Variants in CTNNA2 observed in about 807,000 individuals in gnomAD.
CTNNA2 encodes the protein catenin alpha 2, also known as catenin alpha-2.
In CTNNA2, 42 loss-of-function variants were observed where a neutral mutation model predicts 101.0. The observed-to-expected ratio is 0.42, with a 90% CI of 0.32 to 0.54. The LOEUF (loss-of-function observed/expected upper bound fraction) is 0.54. Ranked by LOEUF, CTNNA2 falls within the 20% of genes least tolerant of loss-of-function variation. CTNNA2 has a pLI of 0.14. For synonymous variants in CTNNA2, 450 were observed against 456.4 expected, an observed-to-expected ratio of 0.99 and a Z score of 0.18; for missense variants, 871 against 1,223.1, an observed-to-expected ratio of 0.71 and a Z score of 4.29.
intron 7 of CTNNA2, among the ~76,000 whole-genome samples, chr2:79,939,596 G>C (rs1345085666): frequency 6.6e-6 from 1 of 151,674 alleles, no homozygotes; most frequent in African/African-American, 2.4e-5. Context: ...TTCCTTGTTT[G>C]TAATATCCTA....
chr2:80,572,101 G>T (rs1222921634), intron 12 of CTNNA2, among the ~76,000 whole-genome samples: 1 of 152,138 alleles, frequency 6.6e-6, no homozygotes, highest in East Asian at 1.9e-4. Flanking sequence ...CCGAAATGAT[G>T]TGTAACCATT....
chr2:79,695,866 C>G (rs1018088495), intron 2 of CTNNA2, among the ~76,000 whole-genome samples: 27 of 152,002 alleles, frequency 1.8e-4, no homozygotes, highest in African/African-American at 6.5e-4. Flanking sequence ...AGGAGGTCTG[C>G]TCAGTTGGTT....
chr2:79,937,528 C>A (rs1416571782), intron 7 of CTNNA2, among the ~76,000 whole-genome samples: 2 of 152,148 alleles, frequency 1.3e-5, no homozygotes, highest in African/African-American at 4.8e-5. Flanking sequence ...TCTCACTTTT[C>A]AAATCATCTG....
intron 1 of CTNNA2, among the ~76,000 whole-genome samples, chr2:79,584,089 C>T (rs1036965327): frequency 6.6e-6 from 1 of 152,014 alleles, no homozygotes; most frequent in Non-Finnish European, 1.5e-5. Flanking sequence ...CTGCCTCCAT[C>T]GTAAAGTTGC....
intron 4 of CTNNA2, among the ~76,000 whole-genome samples, chr2:79,477,574 T>C (rs1039727262): frequency 6.6e-6 from 1 of 152,230 alleles, no homozygotes; most frequent in Non-Finnish European, 1.5e-5. Flanking sequence ...AATGTGTTTT[T>C]AAAACATGTT....
intron 1 of CTNNA2, among the ~76,000 whole-genome samples, chr2:79,513,771 C>T (rs1460010870): frequency 2.0e-5 from 3 of 152,178 alleles, no homozygotes; most frequent in South Asian, 4.1e-4. Context: ...GGACATGCTG[C>T]CAACAGCCCC....
At chr2:80,180,198 G>C (rs1215398896) in intron 7 of CTNNA2, among the ~76,000 whole-genome samples, 3 of 152,110 alleles carry the variant, frequency 2.0e-5, no homozygotes, top group Non-Finnish European at 4.4e-5. Context: ...ATAGTATAGT[G>C]GGGTCTTTCC....
chr2:79,980,766 C>T (rs1394869210), intron 7 of CTNNA2, among the ~76,000 whole-genome samples: 1 of 151,932 alleles, frequency 6.6e-6, no homozygotes, highest in Non-Finnish European at 1.5e-5. Context: ...GAAAAATAAG[C>T]AATTAGAAAT....
chr2:79,769,771 GA>G (rs1284144919), intron 3 of CTNNA2, among the ~76,000 whole-genome samples: 2 of 152,172 alleles, frequency 1.3e-5, no homozygotes, highest in Non-Finnish European at 2.9e-5. Context: ...TCCAATGGAG[GA>G]AATACTGGAA....
chr2:80,077,500 G>C (rs1209071947), intron 7 of CTNNA2, among the ~76,000 whole-genome samples: 2 of 151,556 alleles, frequency 1.3e-5, no homozygotes, highest in African/African-American at 4.8e-5. Context: ...TTTAATCCCA[G>C]CACTTTGGGA....
intron 2 of CTNNA2, among the ~76,000 whole-genome samples, chr2:79,724,128 A>G (rs1250634900): frequency 6.6e-6 from 1 of 152,096 alleles, no homozygotes; most frequent in African/African-American, 2.4e-5. Context: ...CCAAATGTGG[A>G]GCATCATAGT....
chr2:79,316,857 C>T (rs1448566602), intron 3 of CTNNA2, among the ~76,000 whole-genome samples: 2 of 151,616 alleles, frequency 1.3e-5, no homozygotes, highest in East Asian at 3.9e-4. Context: ...TATATACAGA[C>T]AATTTTACTT....
At chr2:79,707,451 G>A (rs1685457841) in intron 2 of CTNNA2, among the ~76,000 whole-genome samples, 1 of 152,148 alleles carries the variant, frequency 6.6e-6, no homozygotes, top group African/African-American at 2.4e-5. Context: ...ACCTCGCTAG[G>A]AAAGTGGGCA....
At chr2:79,202,995 T>C (rs1481063780) in intron 2 of CTNNA2, among the ~76,000 whole-genome samples, 1 of 152,216 alleles carries the variant, frequency 6.6e-6, no homozygotes, top group African/African-American at 2.4e-5. Flanking sequence ...TTTAACTCCT[T>C]TCTTCCATGT....
intron 16 of CTNNA2, among the ~76,000 whole-genome samples, chr2:80,606,387 C>G (rs1698009998): frequency 8.7e-6 from 1 of 114,954 alleles, no homozygotes; most frequent in South Asian, 2.6e-4. Context: ...CACACACACA[C>G]ACACACACAC....
chr2:79,879,332 G>GT (rs1327476354), intron 6 of CTNNA2, among the ~76,000 whole-genome samples: 43 of 151,224 alleles, frequency 2.8e-4, no homozygotes, highest in Admixed American at 5.3e-4. Flanking sequence ...ATTTAAAGTA[G>GT]TTTCTTTTTC....
intron 7 of CTNNA2, among the ~76,000 whole-genome samples, chr2:80,270,531 A>G (rs1003919511): frequency 1.3e-5 from 2 of 152,188 alleles, no homozygotes; most frequent in African/African-American, 4.8e-5. Flanking sequence ...TAAGGAAGAA[A>G]AATTTTTAGA....
chr2:79,996,458 A>G (rs1350931939), intron 7 of CTNNA2, among the ~76,000 whole-genome samples: 2 of 152,230 alleles, frequency 1.3e-5, no homozygotes, highest in Admixed American at 6.5e-5. Flanking sequence ...ATTATGAAGC[A>G]GAAAAAAGAA....
Position 80,608,327 on chromosome 2 carries a change from G to A in CTNNA2, c.2430+9G>A. The A allele has an allele frequency of 6.2e-7, 1 of 1,604,428 alleles. No individual in the cohort carries two copies. The highest frequency in any genetic ancestry group is 8.5e-7 in the Non-Finnish European group (1 of 1,173,156). On this transcript the variant is annotated intron_variant, in intron 17 of 18. Coordinates refer to ENST00000402739, the MANE Select transcript of CTNNA2 (RefSeq NM_001282597.3). ...AGCTCATTGTGTCAGGGGTAAGCTG[G>A]ACTTGGGCTTCACAATGTAAAGTTC...
Sources: allele counts gnomAD v4.1 joint callset (sites outside exome capture counted in the v4.1 genomes callset), GRCh38; gene constraint gnomAD v4.1.1; transcripts MANE v1.5; gene names NCBI Gene and HGNC (gene_info 2026-07-23, HGNC 2026-07-21).